Variants in ELMOD1 observed in about 807,000 individuals in gnomAD.
ELMOD1 encodes the protein ELMO domain-containing protein 1.
A neutral mutation model predicts 46.7 loss-of-function variants in ELMOD1; 21 were observed. The observed-to-expected ratio is 0.45, with a 90% CI of 0.32 to 0.65. The LOEUF (loss-of-function observed/expected upper bound fraction) is 0.65. Ranked by LOEUF, ELMOD1 falls within the 30% of genes least tolerant of loss-of-function variation. The pLI, the probability that ELMOD1 is intolerant of heterozygous loss-of-function variation, is 0.04. For missense variants in ELMOD1, 348 were observed against 407.8 expected (o/e 0.85, Z 1.26); for synonymous variants, 122 against 138.2 (o/e 0.88, Z 0.82).
At position 107,647,471 on chromosome 11, in the gene ELMOD1, T is replaced by C; in HGVS notation, c.424T>C (p.Trp142Arg). Residue 142 changes from tryptophan to arginine, a missense_variant, in exon 7 of 12, where the codon TGG (tryptophan) becomes CGG (arginine). Physicochemically the swap from Trp to Arg is moderately radical, Grantham distance 101. Transcript: ENST00000265840. ...PQHEEMLLKL[W>R]KFLKPNTPLE... ...ATCCTTTTTTTTTTTCCTACAGTTA[T>C]GGAAATTCTTGAAGCCCAATACTCC... The C allele has an allele frequency of 1.2e-6, 2 of 1,609,724 alleles. No individual in the cohort carries two copies. Among genetic ancestry groups the C allele is most frequent in the Non-Finnish European group, 8.5e-7 (1 of 1,178,688 alleles).
At chr11:107,603,551 C>T (rs953980148) in intron 1 of ELMOD1, among the ~76,000 whole-genome samples, 3 of 149,918 alleles carry the variant, frequency 2.0e-5, no homozygotes, top group African/African-American at 4.9e-5. Flanking sequence ...AAAAACAAAA[C>T]CAACAACAAC....
At chr11:107,643,882 T>A (rs1402405559) in intron 6 of ELMOD1, 1 of 207,316 alleles carries the variant, frequency 4.8e-6, no homozygotes, top group African/African-American at 2.3e-5. Context: ...AGTGCCATCA[T>A]CTGAAGATTA....
At position 107,650,360 on chromosome 11, in the gene ELMOD1, G is replaced by A. The variant is rs1866504717; in HGVS notation, c.580G>A (p.Ala194Thr). Reference sequence around the variant, plus strand: ...GTATTTCGCGGAAAGGGATGCCACAGCAGCTCAGCAGGTCCTGTCTGACTC... The same window carrying A: ...GTATTTCGCGGAAAGGGATGCCACAACAGCTCAGCAGGTCCTGTCTGACTC... ...LQYFAERDAT[A>T]AQQVLSDSLH... The change falls in exon 8 of 12, where the codon GCA (alanine) becomes ACA (threonine). Residue 194 changes from alanine to threonine, a missense_variant. Coordinates refer to ENST00000265840, the MANE Select transcript of ELMOD1 (RefSeq NM_018712.4). 3 of 1,591,978 alleles carry A rather than the reference G, an allele frequency of 1.9e-6. No homozygotes were observed. Among genetic ancestry groups the A allele is most frequent in the South Asian group, 2.3e-5 (2 of 86,836 alleles).
intron 1 of ELMOD1, among the ~76,000 whole-genome samples, chr11:107,597,999 C>T (rs935798191): frequency 5.3e-5 from 8 of 152,256 alleles, no homozygotes; most frequent in African/African-American, 1.7e-4. Flanking sequence ...GTGTACTCTA[C>T]GTGTACTCTG....
chr11:107,656,780 C>T (rs1179122885), intron 11 of ELMOD1, among the ~76,000 whole-genome samples: 2 of 151,938 alleles, frequency 1.3e-5, no homozygotes, highest in Non-Finnish European at 2.9e-5. Context: ...GTGCAAGTTC[C>T]GAAGATAGCC....
Position 107,614,584 on chromosome 11 carries a change from G to A in ELMOD1, c.-85-3521G>A, listed in dbSNP as rs534649915. ...GATCTCCTGACCTCGTGATCCACCC[G>A]CCTCGGCCTCCCAAAGTGCTGGGAT... is the stretch of plus-strand genomic sequence containing the variant. On this transcript the variant is annotated intron_variant, in intron 1 of 11. Transcript: ENST00000265840. Among the ~76,000 whole-genome samples, 27 of 152,092 alleles carry A rather than the reference G, an allele frequency of 1.8e-4. No homozygotes were observed. In the South Asian group the frequency reaches 3.9e-3, roughly 22 times the overall value.
chr11:107,632,828 G>A (rs1866163439), intron 5 of ELMOD1, among the ~76,000 whole-genome samples: 1 of 152,050 alleles, frequency 6.6e-6, no homozygotes, highest in African/African-American at 2.4e-5. Context: ...AGTTATATAA[G>A]GTGCATTCAA....
chr11:107,617,147 A>G (rs1253117019), intron 1 of ELMOD1, among the ~76,000 whole-genome samples: 1 of 152,192 alleles, frequency 6.6e-6, no homozygotes, highest in Non-Finnish European at 1.5e-5. Context: ...CCACAGTCTT[A>G]AATTGGTGTA....
Position 107,598,819 on chromosome 11 carries a change from C to A in ELMOD1, c.-86+7410C>A, listed in dbSNP as rs1865538424. Among the ~76,000 whole-genome samples the A allele has an allele frequency of 2.0e-5, 3 of 152,216 alleles. 1 individual carries two copies. The South Asian group carries it at 6.2e-4, about 32-fold the overall frequency. ...CAAGTGTTATTTTTGGCTACATAGC[C>A]TCCATACCCAGTTCTCTAGCCCACC... On this transcript the variant is annotated intron_variant, in intron 1 of 11. Transcript: ENST00000265840.
intron 10 of ELMOD1, among the ~76,000 whole-genome samples, chr11:107,654,799 G>A (rs1414900392): frequency 2.0e-5 from 3 of 150,548 alleles, no homozygotes; most frequent in Non-Finnish European, 3.0e-5. Context: ...AATTGTGTTT[G>A]GTAGTTTTCT....
intron 1 of ELMOD1, among the ~76,000 whole-genome samples, chr11:107,598,583 C>A (rs1415455560): frequency 6.6e-6 from 1 of 152,216 alleles, no homozygotes; most frequent in Non-Finnish European, 1.5e-5. Context: ...GCCCACTCCC[C>A]ACTCTAGGAG....
chr11:107,605,658 G>A (rs1416607960), intron 1 of ELMOD1, among the ~76,000 whole-genome samples: 1 of 152,220 alleles, frequency 6.6e-6, no homozygotes, highest in Admixed American at 6.5e-5. Context: ...CTGTGGCTGG[G>A]ATGGACCTCC....
At chr11:107,652,683 C>A (rs1296318809) in intron 9 of ELMOD1, among the ~76,000 whole-genome samples, 1 of 152,156 alleles carries the variant, frequency 6.6e-6, no homozygotes, top group African/African-American at 2.4e-5. Context: ...ATCTCCTGAT[C>A]TCCTGATTCC....
At position 107,591,681 on chromosome 11, in the gene ELMOD1, T is replaced by A. The variant is rs186837788; in HGVS notation, c.-86+272T>A. ...CTGCAGGTCGGCGCGAGAGGCTGTT[T>A]GCATCTCGGCCCGGGCGTAGGTCGC... On this transcript the variant is annotated intron_variant, in intron 1 of 11. Transcript: ENST00000265840. 235 of 364,592 alleles carry A rather than the reference T, an allele frequency of 6.4e-4. 2 individuals are homozygous for A. Among genetic ancestry groups the A allele is most frequent in the African/African-American group, 4.9e-3 (228 of 46,480 alleles). The allele number at this position is 364,592 out of a possible 1,614,324, so 22.6% of individuals were successfully genotyped here.
In ELMOD1 at chr11:107,605,391, GGTTT is replaced by G. The variant is rs1323749843; in HGVS notation, c.-85-12713_-85-12710del. On this transcript the variant is annotated intron_variant, in intron 1 of 11. Transcript: ENST00000265840. ...AGTTTTTGTACTTTTAGTAGAGATG[GGTTT>G]TCACCATGTTGCCCAGGCTGGTCTT... Among the ~76,000 whole-genome samples the G allele has an allele frequency of 2.0e-5, 3 of 151,946 alleles. 1 individual carries two copies. The East Asian group carries it at 5.8e-4, about 29-fold the overall frequency.
intron 1 of ELMOD1, among the ~76,000 whole-genome samples, chr11:107,606,664 G>A (rs563456469): frequency 2.0e-5 from 3 of 152,098 alleles, no homozygotes; most frequent in Non-Finnish European, 4.4e-5. Context: ...GTGAAACCGC[G>A]TCTCTACTAA....
intron 6 of ELMOD1, among the ~76,000 whole-genome samples, chr11:107,644,829 C>G (rs112254990): frequency 5.3e-5 from 8 of 152,082 alleles, no homozygotes; most frequent in Non-Finnish European, 1.2e-4. Context: ...CATTATTATT[C>G]AAATGAATGT....
intron 9 of ELMOD1, among the ~76,000 whole-genome samples, chr11:107,652,663 A>G (rs1279626276): frequency 6.6e-6 from 1 of 152,216 alleles, no homozygotes; most frequent in Admixed American, 6.5e-5. Context: ...TGAATCTTTA[A>G]GGTAAAAAAA....
chr11:107,607,082 A>G (rs1180005812), intron 1 of ELMOD1, among the ~76,000 whole-genome samples: 2 of 152,160 alleles, frequency 1.3e-5, no homozygotes, highest in East Asian at 1.9e-4. Context: ...ATTTTACCTC[A>G]CCCAGACAAT....
Sources: allele counts gnomAD v4.1 joint callset (sites outside exome capture counted in the v4.1 genomes callset), GRCh38; gene constraint gnomAD v4.1.1; transcripts MANE v1.5; gene names NCBI Gene and HGNC (gene_info 2026-07-23, HGNC 2026-07-21).